Variants in GZF1 observed in about 807,000 individuals in gnomAD.
GZF1 encodes GDNF inducible zinc finger protein 1.
A neutral mutation model predicts 49.4 loss-of-function variants in GZF1; 28 were observed. The ratio of observed to expected loss-of-function variants is 0.57; its 90% confidence interval spans 0.42 to 0.78. The LOEUF (loss-of-function observed/expected upper bound fraction) is 0.78. GZF1 is among the 30% of genes least tolerant of loss of function. GZF1 has a pLI of 0.00. For synonymous variants in GZF1, 364 were observed against 356.0 expected (o/e 1.02, Z -0.25); for missense variants, 798 against 916.2 (o/e 0.87, Z 1.67).
Position 23,368,823 on chromosome 20 carries a change from ACAC to A in GZF1, c.1525_1527del (p.His509del), listed in dbSNP as rs769858509. The A allele has an allele frequency of 7.4e-6, 12 of 1,613,602 alleles. No homozygotes were observed. The highest frequency in any genetic ancestry group is 3.3e-5 in the Admixed American group (2 of 59,924). The stretch of plus-strand genomic sequence containing the variant: ...GTTTTGCTTCTAAGGAGTACTTAAA[ACAC>A]CACAATAGAATCCATACTGGATCCA... On this transcript the variant is annotated inframe_deletion, in exon 4 of 6. Coordinates refer to ENST00000338121, the MANE Select transcript of GZF1 (RefSeq NM_022482.5).
chr20:23,369,547 A>G (rs771315621), intron 4 of GZF1, 37 bp from the exon 5 acceptor site: 20 of 1,569,824 alleles, frequency 1.3e-5, no homozygotes, highest in Admixed American at 1.8e-5. Context: ...AGTAGGCCAA[A>G]GGGACCCACC....
chr20:23,366,349 T>C (rs1372422137), intron 2 of GZF1, among the ~76,000 whole-genome samples: 1 of 152,218 alleles, frequency 6.6e-6, no homozygotes, highest in Non-Finnish European at 1.5e-5. Flanking sequence ...TGTTTTCTCT[T>C]CTCTTCTAGA....
In GZF1 at chr20:23,366,991, T is replaced by C. The variant is rs748799251; in HGVS notation, c.1365-12T>C. On this transcript the variant is annotated splice_polypyrimidine_tract_variant and intron_variant, in intron 2 of 5. Coordinates refer to ENST00000338121, the MANE Select transcript of GZF1 (RefSeq NM_022482.5). ...TACATCCTAAGTTATCATCTGAATG[T>C]TGTACTTTCAGAATTCATACAGGGG... The C allele has an allele frequency of 4.5e-6, 7 of 1,567,860 alleles. No homozygotes were observed. In the South Asian group the frequency reaches 6.7e-5, roughly 15 times the overall value.
In GZF1 at chr20:23,364,632, G is replaced by A. The variant is rs374275229; in HGVS notation, c.249G>A (p.Gln83=). The part of the protein sequence containing the change: ...TRTNVYLNEV[Q]VADFASFLEF... ...CTAATGTCTACTTAAATGAAGTGCA[G>A]GTTGCTGACTTTGCTTCATTTCTTG... The change falls in exon 2 of 6, where the codon CAG becomes CAA. Residue 83 remains glutamine, a synonymous_variant. Coordinates refer to ENST00000338121, the MANE Select transcript of GZF1 (RefSeq NM_022482.5). 5.0e-6 allele frequency: 8 copies of A among 1,614,128 alleles called. No homozygotes were observed. The African/African-American group carries it at 6.7e-5, about 13-fold the overall frequency.
rs1432382139 is a variant in GZF1, at chr20:23,372,666, A to T, written c.*2225A>T. The T allele has an allele frequency of 6.6e-6, 1 of 152,300 alleles. No homozygotes were observed. The highest frequency in any genetic ancestry group is 1.5e-5 in the Non-Finnish European group (1 of 68,106). The allele number at this position is 152,300 out of a possible 1,614,324, so 9.4% of individuals were successfully genotyped here. A position where few individuals can be genotyped will look rare whatever the true frequency, so the allele number is the denominator to read the frequency against. ...CTGGAGCATCTGCCCCATTCCTCCA[A>T]GTCCAAGCACAGCCATGCTGAGTGG... is the stretch of plus-strand genomic sequence containing the variant. On this transcript the variant is annotated 3_prime_UTR_variant, in exon 6 of 6. Coordinates refer to ENST00000338121, the MANE Select transcript of GZF1 (RefSeq NM_022482.5).
At position 23,370,390 on chromosome 20, in the gene GZF1, A is replaced by G. The variant is rs375072746; in HGVS notation, c.2085A>G (p.Pro695=). ...TTISELSELT[P]QTDSMPTQLH... Reference sequence around the variant, plus strand: ...TCAGTGAGCTTAGCGAGCTGACCCCACAGACAGACTCGATGCCCACACAGC... The same window carrying G: ...TCAGTGAGCTTAGCGAGCTGACCCCGCAGACAGACTCGATGCCCACACAGC... Residue 695 remains proline (P), a synonymous_variant, in exon 6 of 6, where the codon CCA becomes CCG. Transcript: ENST00000338121. 3.1e-6 allele frequency: 5 copies of G among 1,613,824 alleles called. No homozygotes were observed. The African/African-American group carries it at 5.3e-5, about 17-fold the overall frequency.
chr20:23,362,319 T>C (rs1025339200), intron 1 of GZF1, 82 bp downstream of exon 1: 5 of 152,156 alleles, frequency 3.3e-5, no homozygotes, highest in African/African-American at 7.2e-5. Flanking sequence ...GGCTGCTCTG[T>C]GGACCTGCGC....
Position 23,365,722 on chromosome 20 carries a change from C to T in GZF1, c.1339C>T (p.Pro447Ser). The stretch of plus-strand genomic sequence containing the variant: ...CGAGTGCGGCGCCAGGTTCTCGCAG[C>T]CGTCCGCGCTCAAGACGCACATGAG... ...CTECGARFSQ[P>S]SALKTHMRIH... Residue 447 changes from proline to serine, a missense_variant, in exon 2 of 6, where the codon CCG (proline) becomes TCG (serine). Coordinates refer to ENST00000338121, the MANE Select transcript of GZF1 (RefSeq NM_022482.5). 1 of 1,549,938 alleles carries T rather than the reference C, an allele frequency of 6.5e-7. No individual in the cohort carries two copies. Among genetic ancestry groups the T allele is most frequent in the Non-Finnish European group, 8.7e-7 (1 of 1,153,254 alleles).
chr20:23,362,466 C>G (rs368474366), intron 1 of GZF1: 3 of 152,576 alleles, frequency 2.0e-5, no homozygotes, highest in Admixed American at 6.5e-5. Context: ...TTCTCTGGGT[C>G]GTCTTTGGAG....
chr20:23,371,633 A>C lies in GZF1; in HGVS notation c.*1192A>C, dbSNP rs1982084333. 1.3e-5 allele frequency: 2 copies of C among 152,648 alleles called. No individual in the cohort carries two copies. The highest frequency in any genetic ancestry group is 6.5e-5 in the Admixed American group (1 of 15,286). 9.5% of individuals were successfully genotyped at this position (152,648 alleles called of 1,614,324 possible). A position where few individuals can be genotyped will look rare whatever the true frequency, so the allele number is the denominator to read the frequency against. On this transcript the variant is annotated 3_prime_UTR_variant, in exon 6 of 6. Coordinates refer to ENST00000338121, the MANE Select transcript of GZF1 (RefSeq NM_022482.5). The stretch of plus-strand genomic sequence containing the variant: ...AAAAGACGATTCTGCTGTATTTGTT[A>C]AACGTTGACATTTGGTTCTAGGGCC...
rs573434420 is a variant in GZF1 at position 23,370,412 on chromosome 20, C to A, written c.2107C>A (p.Gln703Lys). The change falls in exon 6 of 6, where the codon CAG becomes AAG. Residue 703 changes from glutamine (Q) to lysine (K), a missense_variant. Gln to Lys is a moderately conservative substitution (Grantham distance 53). Transcript: ENST00000338121. ...CCCACAGACAGACTCGATGCCCACA[C>A]AGCTTCACTCTTTGAGCAACATGGA... The part of the protein sequence containing the change: ...LTPQTDSMPT[Q>K]LHSLSNME 1 of 1,612,884 alleles carries A rather than the reference C, an allele frequency of 6.2e-7. No homozygotes were observed. The highest frequency in any genetic ancestry group is 1.1e-5 in the South Asian group (1 of 91,058).
At position 23,369,758 on chromosome 20, in the gene GZF1, CTTAT is replaced by C. The variant is rs1319689331; in HGVS notation, c.1785+20_1785+23del. On this transcript the variant is annotated intron_variant, in intron 5 of 5. Coordinates refer to ENST00000338121, the MANE Select transcript of GZF1 (RefSeq NM_022482.5). ...CACACCTCAGTAAGCAGTGGGTTGG[CTTAT>C]TTGAGAAACAAGCTGCTGCCCTTAG... 6.3e-6 allele frequency: 10 copies of C among 1,594,322 alleles called. No homozygotes were observed. Among genetic ancestry groups the C allele is most frequent in the South Asian group, 3.4e-5 (3 of 88,476 alleles).
chr20:23,367,000 C>G lies in GZF1; in HGVS notation c.1365-3C>G. ...AGTTATCATCTGAATGTTGTACTTTCAGAATTCATACAGGGGAAAAACCTT... is the reference window on the plus strand; with the variant it reads ...AGTTATCATCTGAATGTTGTACTTTGAGAATTCATACAGGGGAAAAACCTT... On this transcript the variant is annotated splice_polypyrimidine_tract_variant and splice_region_variant and intron_variant, in intron 2 of 5. Transcript: ENST00000338121. 6.3e-7 allele frequency: 1 copy of G among 1,599,112 alleles called. No individual in the cohort carries two copies. The highest frequency in any genetic ancestry group is 8.6e-7 in the Non-Finnish European group (1 of 1,167,010).
chr20:23,366,964 AAT>A, intron 2 of GZF1, 37 bp from the exon 3 acceptor site: 1 of 1,408,430 alleles, frequency 7.1e-7, no homozygotes, highest in East Asian at 2.3e-5. Flanking sequence ...TGAGCTTTGA[AAT>A]ACATCCTAAG....
At chr20:23,362,810 G>A (rs1288856027) in intron 1 of GZF1, 1 of 152,310 alleles carries the variant, frequency 6.6e-6, no homozygotes, top group African/African-American at 2.4e-5. Flanking sequence ...AGCAACATAG[G>A]AAATCGCGCT....
At chr20:23,361,952 C>T (rs907343383), upstream of GZF1, among the ~76,000 whole-genome samples, 3 of 152,192 alleles carry the variant, frequency 2.0e-5, no homozygotes, top group Admixed American at 6.5e-5. Context: ...CAGGCGCAGG[C>T]CTTGGCTCGC....
rs773291485 is a variant in GZF1 at position 23,372,344 on chromosome 20, C to T, written c.*1903C>T. ...TTGAAACATATAATTTGCTTAATTA[C>T]GTGAATAATGAAATGTAAAATCCGG... On this transcript the variant is annotated 3_prime_UTR_variant, in exon 6 of 6. Transcript: ENST00000338121. 12 of 152,110 alleles carry T rather than the reference C, an allele frequency of 7.9e-5. No individual in the cohort carries two copies. The allele number at this position is 152,110 out of a possible 1,614,324, so 9.4% of individuals were successfully genotyped here.
intron 3 of GZF1, among the ~76,000 whole-genome samples, chr20:23,368,459 A>G (rs541131715): frequency 5.0e-4 from 76 of 152,312 alleles, no homozygotes; most frequent in African/African-American, 1.7e-3. Flanking sequence ...AAGTTGTGAA[A>G]TTATTTTCTT....
Position 23,364,532 on chromosome 20 carries a change from A to G in GZF1, c.149A>G (p.Lys50Arg), listed in dbSNP as rs375983173. 37 of 1,614,244 alleles carry G rather than the reference A, an allele frequency of 2.3e-5. No homozygotes were observed. The highest frequency in any genetic ancestry group is 1.1e-4 in the South Asian group (10 of 91,090). Residue 50 changes from lysine (K) to arginine (R), a missense_variant, in exon 2 of 6, where the codon AAG becomes AGG. By Grantham distance (26) the Lys-to-Arg change is conservative. Coordinates refer to ENST00000338121, the MANE Select transcript of GZF1 (RefSeq NM_022482.5). ...QGVRKDFMAHKAVLAATSKFF... is the reference protein window; with the variant it reads ...QGVRKDFMAHRAVLAATSKFF... ...GTCCGCAAAGACTTCATGGCCCACAAGGCAGTGCTGGCTGCCACCAGCAAG... is the reference window on the plus strand; with the variant it reads ...GTCCGCAAAGACTTCATGGCCCACAGGGCAGTGCTGGCTGCCACCAGCAAG...
Sources: gnomAD v4.1 joint callset for allele counts (sites outside exome capture counted in the v4.1 genomes callset) on GRCh38, gnomAD v4.1.1 for gene constraint, MANE v1.5 for transcripts, NCBI Gene and HGNC (gene_info 2026-07-23, HGNC 2026-07-21) for gene names.